GRIA1: variants seen among roughly 807,000 people sequenced by gnomAD.
GRIA1 encodes glutamate ionotropic receptor AMPA type subunit 1, also known as glutamate receptor 1.
In GRIA1, 31 loss-of-function variants were observed where a neutral mutation model predicts 99.2. That is an observed-to-expected ratio of 0.31 (90% CI 0.23 to 0.42). The LOEUF (loss-of-function observed/expected upper bound fraction) is 0.42, where lower values mean the gene tolerates loss of function less well. Among genes scored for constraint, GRIA1 ranks in the 10% least tolerant of loss-of-function variants. The pLI, the probability that GRIA1 is intolerant of heterozygous loss-of-function variation, is 1.00. For synonymous variants in GRIA1, 438 were observed against 432.4 expected, an observed-to-expected ratio of 1.01 and a Z score of -0.16; for missense variants, 782 against 1,157.5, an observed-to-expected ratio of 0.68 and a Z score of 4.71.
chr5:153,509,681 A>G (rs568874660), intron 2 of GRIA1, among the ~76,000 whole-genome samples: 21 of 152,280 alleles, frequency 1.4e-4, no homozygotes, highest in South Asian at 6.2e-4. Flanking sequence ...GATCTTTATA[A>G]TTGACTTAAC....
At chr5:153,656,414 T>TATA (rs1754968532) in intron 5 of GRIA1, among the ~76,000 whole-genome samples, 2 of 146,934 alleles carry the variant, frequency 1.4e-5, no homozygotes, top group Non-Finnish European at 3.0e-5. Context: ...TATATATATA[T>TATA]TTGTTTTAAT....
At chr5:153,562,106 T>G (rs1761183780) in intron 2 of GRIA1, among the ~76,000 whole-genome samples, 1 of 150,700 alleles carries the variant, frequency 6.6e-6, no homozygotes, top group Admixed American at 6.6e-5. Flanking sequence ...CCAAGTTCAT[T>G]TGAGAACAAC....
At chr5:153,492,456 G>T in intron 1 of GRIA1, 1 of 784,328 alleles carries the variant, frequency 1.3e-6, no homozygotes, top group East Asian at 3.1e-5. Context: ...AAAGGGGACA[G>T]GGAAGTGTTT....
intron 13 of GRIA1, among the ~76,000 whole-genome samples, chr5:153,791,890 ATTCATTTG>A (rs1276707909): frequency 6.8e-6 from 1 of 147,524 alleles, no homozygotes; most frequent in African/African-American, 2.5e-5. Flanking sequence ...GATTTTGGCC[ATTCATTTG>A]TTCATTTGGA....
chr5:153,506,316 GGTGTGT>G (rs61220170), intron 2 of GRIA1, among the ~76,000 whole-genome samples: 8,443 of 140,318 alleles, frequency 0.06, 285 homozygotes, highest in African/African-American at 0.084. Flanking sequence ...TGGCAAGAAG[GGTGTGT>G]GTGTGTGTGT....
chr5:153,691,545 C>A (rs1757755512), intron 8 of GRIA1, among the ~76,000 whole-genome samples: 1 of 152,150 alleles, frequency 6.6e-6, no homozygotes, highest in South Asian at 2.1e-4. Context: ...GGAAACAAGA[C>A]TAAAGGGACA....
chr5:153,545,909 A>G (rs965246648), intron 2 of GRIA1, among the ~76,000 whole-genome samples: 1 of 152,212 alleles, frequency 6.6e-6, no homozygotes, highest in African/African-American at 2.4e-5. Context: ...TTAAGGCATG[A>G]TGGCCCTGCC....
At chr5:153,646,109 G>A (rs1561723635) in intron 2 of GRIA1, among the ~76,000 whole-genome samples, 5 of 152,280 alleles carry the variant, frequency 3.3e-5, no homozygotes, top group South Asian at 4.1e-4. Flanking sequence ...TTAATTAGAA[G>A]TATAATCAAC....
intron 2 of GRIA1, among the ~76,000 whole-genome samples, chr5:153,588,186 C>A (rs1323333067): frequency 6.6e-6 from 1 of 152,154 alleles, no homozygotes; most frequent in South Asian, 2.1e-4. Context: ...TGAATAAATA[C>A]GGCAGTGTTA....
At chr5:153,551,055 T>G (rs1195171874) in intron 2 of GRIA1, among the ~76,000 whole-genome samples, 1 of 151,998 alleles carries the variant, frequency 6.6e-6, no homozygotes, top group Non-Finnish European at 1.5e-5. Context: ...GTCAATGCAG[T>G]TTTTTTTAAA....
At chr5:153,726,360 A>T (rs200570844) in intron 11 of GRIA1, among the ~76,000 whole-genome samples, 69,900 of 139,570 alleles carry the variant, frequency 0.5, 18,438 homozygotes, top group East Asian at 0.93. Flanking sequence ...CACATTGAAA[A>T]GCTAGCAGAA....
intron 11 of GRIA1, among the ~76,000 whole-genome samples, chr5:153,737,645 T>A (rs1439111995): frequency 6.6e-6 from 1 of 152,202 alleles, no homozygotes; most frequent in Admixed American, 6.5e-5. Context: ...GATTCTAACT[T>A]GTTATATCAG....
chr5:153,522,481 T>C (rs1757238525), intron 2 of GRIA1, among the ~76,000 whole-genome samples: 1 of 152,134 alleles, frequency 6.6e-6, no homozygotes, highest in South Asian at 2.1e-4. Flanking sequence ...TTAGGCCAGG[T>C]TATACCACAG....
chr5:153,749,802 C>T (rs1018520241), intron 11 of GRIA1, among the ~76,000 whole-genome samples: 4 of 151,680 alleles, frequency 2.6e-5, no homozygotes, highest in African/African-American at 7.3e-5. Flanking sequence ...CATTTTTTTG[C>T]AAACTGCCCA....
intron 8 of GRIA1, among the ~76,000 whole-genome samples, chr5:153,691,452 T>C (rs1366859240): frequency 6.6e-6 from 1 of 152,184 alleles, no homozygotes. Context: ...TCATTTCAAT[T>C]CGATTTGAGT....
chr5:153,710,167 G>C (rs1036986719), intron 11 of GRIA1, among the ~76,000 whole-genome samples: 10 of 151,580 alleles, frequency 6.6e-5, no homozygotes, highest in African/African-American at 2.4e-4. Context: ...TTTTTAATTA[G>C]GTTGATGGTG....
intron 2 of GRIA1, among the ~76,000 whole-genome samples, chr5:153,506,727 G>A (rs956220270): frequency 3.9e-5 from 6 of 152,150 alleles, no homozygotes; most frequent in Non-Finnish European, 7.4e-5. Context: ...CACAGCGCCC[G>A]CATGGAATTT....
chr5:153,578,148 C>CAAAAAAAAAA (rs60901793), intron 2 of GRIA1, among the ~76,000 whole-genome samples: 75 of 69,312 alleles, frequency 1.1e-3, no homozygotes, highest in Non-Finnish European at 1.4e-3. Context: ...GAGACTCTGT[C>CAAAAAAAAAA]AAAAAAAAAA....
At chr5:153,680,297 G>T (rs1362303526) in intron 7 of GRIA1, among the ~76,000 whole-genome samples, 1 of 151,894 alleles carries the variant, frequency 6.6e-6, no homozygotes, top group African/African-American at 2.4e-5. Flanking sequence ...CCTGCCCCCT[G>T]CTTGCCATCT....
Sources: gnomAD v4.1 joint callset for allele counts (sites outside exome capture counted in the v4.1 genomes callset) on GRCh38, gnomAD v4.1.1 for gene constraint, MANE v1.5 for transcripts, NCBI Gene and HGNC (gene_info 2026-07-23, HGNC 2026-07-21) for gene names.